SLC16A3: variants seen among roughly 807,000 people sequenced by gnomAD.
The protein encoded by SLC16A3 is monocarboxylate transporter 4.
Under a neutral mutation model 25.0 loss-of-function variants are expected in SLC16A3, and 22 were observed. That is an observed-to-expected ratio of 0.88 (90% confidence interval 0.63 to 1.26). The LOEUF (loss-of-function observed/expected upper bound fraction) is 1.26. SLC16A3 is among the 50% of genes most tolerant of loss of function. The pLI, the probability that SLC16A3 is intolerant of heterozygous loss-of-function variation, is 0.00. For synonymous variants in SLC16A3, 390 were observed against 309.2 expected (o/e 1.26, Z -2.74); for missense variants, 731 against 666.6 (o/e 1.10, Z -1.06).
At chr17:82,226,199 T>C (rs1175711269), upstream of SLC16A3, among the ~76,000 whole-genome samples, 1 of 151,178 alleles carries the variant, frequency 6.6e-6, no homozygotes, top group African/African-American at 2.4e-5. Context: ...TGGAGGCACC[T>C]GGGTCTGGGG....
chr17:82,219,828 C>T (rs2050378359), intron 1 of SLC16A3, among the ~76,000 whole-genome samples: 1 of 152,158 alleles, frequency 6.6e-6, no homozygotes, highest in South Asian at 2.1e-4. Context: ...TGACTCCTCT[C>T]CTTCCACACT....
At position 82,237,185 on chromosome 17, in the gene SLC16A3, CG is replaced by C; in HGVS notation, c.416del (p.Arg139ProfsTer25). The part of the protein sequence containing the change: ...NFQPSLIMLN[R>X]YFSKRRPMAN... ...CCAGCCCTCGCTCATCATGCTGAAC[CG>C]CTACTTCAGCAAGCGGCGCCCCATG... On this transcript the variant is annotated frameshift_variant, in exon 4 of 5. Transcript: ENST00000582743. LOFTEE classifies it high-confidence loss of function. 2 of 1,527,280 alleles carry C rather than the reference CG, an allele frequency of 1.3e-6. No individual in the cohort carries two copies. The highest frequency in any genetic ancestry group is 2.4e-5 in the East Asian group (1 of 41,868). 94.6% of individuals were successfully genotyped at this position (1,527,280 alleles called of 1,614,324 possible). A position where few individuals can be genotyped will look rare whatever the true frequency, so the allele number is the denominator to read the frequency against.
At chr17:82,225,451 C>T (rs1053146280), upstream of SLC16A3, among the ~76,000 whole-genome samples, 6 of 152,140 alleles carry the variant, frequency 3.9e-5, no homozygotes, top group Non-Finnish European at 8.8e-5. Context: ...CGCCACACGC[C>T]CCGCGTGGGT....
chr17:82,237,961 G>C, intron 4 of SLC16A3, 68 bp downstream of exon 4: 1 of 1,536,906 alleles, frequency 6.5e-7, no homozygotes, highest in Non-Finnish European at 8.7e-7. Context: ...TTTGCGAGGG[G>C]GGGGACGCGC....
At chr17:82,229,542 C>G (rs1321726994) in intron 1 of SLC16A3, 1 of 152,352 alleles carries the variant, frequency 6.6e-6, no homozygotes, top group Admixed American at 6.5e-5. Flanking sequence ...GTGGGGAGCA[C>G]TTGCGCTCGG....
In SLC16A3 at chr17:82,239,951, G is replaced by A; in HGVS notation, c.*975G>A. On this transcript the variant is annotated 3_prime_UTR_variant, in exon 5 of 5. Coordinates refer to ENST00000582743, the MANE Select transcript of SLC16A3 (RefSeq NM_004207.4). Reference sequence around the variant, plus strand: ...CCAGCAGTGGCCTGCGTGGCTGGGAGCCCGGTCAGAGGCCGCCGGGGCCCT... The same window carrying A: ...CCAGCAGTGGCCTGCGTGGCTGGGAACCCGGTCAGAGGCCGCCGGGGCCCT... The A allele has an allele frequency of 7.4e-6, 9 of 1,221,848 alleles. No individual in the cohort carries two copies. The highest frequency in any genetic ancestry group is 9.2e-6 in the Non-Finnish European group (9 of 977,118). The allele number at this position is 1,221,848 out of a possible 1,614,324, so 75.7% of individuals were successfully genotyped here.
At chr17:82,230,993 C>T (rs1447884356) in intron 1 of SLC16A3, 1 of 152,256 alleles carries the variant, frequency 6.6e-6, no homozygotes, top group African/African-American at 2.4e-5. Context: ...CCTGTGGCTT[C>T]GAGGCCCCGA....
chr17:82,223,082 A>C (rs1052262588), intron 1 of SLC16A3, among the ~76,000 whole-genome samples: 1 of 152,162 alleles, frequency 6.6e-6, no homozygotes, highest in Non-Finnish European at 1.5e-5. Flanking sequence ...TTGAAACTAG[A>C]CAGCTGGTGG....
At chr17:82,229,746 A>T (rs1291072042) in intron 1 of SLC16A3, 1 of 152,260 alleles carries the variant, frequency 6.6e-6, no homozygotes. Flanking sequence ...AGCCTTTGGT[A>T]GCCTCCCACT....
chr17:82,222,526 G>A (rs538291991), intron 1 of SLC16A3, among the ~76,000 whole-genome samples: 127 of 152,324 alleles, frequency 8.3e-4, no homozygotes, highest in Non-Finnish European at 1.4e-3. Flanking sequence ...TGAAGAGGCC[G>A]GGTGTGGTGG....
At position 82,240,004 on chromosome 17, in the gene SLC16A3, C is replaced by T. The variant is rs543072663; in HGVS notation, c.*1028C>T. On this transcript the variant is annotated 3_prime_UTR_variant, in exon 5 of 5. Transcript: ENST00000582743. ...GTAGGTGCGTCGTGGGCGCTGGGGACGGCAGCGGGTGCCCTGGCGGGCCGC... is the reference window on the plus strand; with the variant it reads ...GTAGGTGCGTCGTGGGCGCTGGGGATGGCAGCGGGTGCCCTGGCGGGCCGC... 8.6e-5 allele frequency: 106 copies of T among 1,233,770 alleles called. No homozygotes were observed. Among genetic ancestry groups the T allele is most frequent in the East Asian group, 4.1e-4 (13 of 31,692 alleles). 76.4% of individuals were successfully genotyped at this position (1,233,770 alleles called of 1,614,324 possible). A position where few individuals can be genotyped will look rare whatever the true frequency, so the allele number is the denominator to read the frequency against.
intron 1 of SLC16A3, chr17:82,229,578 A>G (rs1015685976): frequency 6.6e-6 from 1 of 152,212 alleles, no homozygotes; most frequent in African/African-American, 2.4e-5. Flanking sequence ...CCTGTTCGCA[A>G]CACCCTGAAC....
intron 3 of SLC16A3, 54 bp downstream of exon 3, chr17:82,236,926 A>C: frequency 6.3e-7 from 1 of 1,588,210 alleles, no homozygotes; most frequent in Non-Finnish European, 8.5e-7. Flanking sequence ...GGGGCCGTGC[A>C]CTTCTGCTCC....
intron 2 of SLC16A3, 22 bp downstream of exon 2, chr17:82,236,253 G>T (rs575028404): frequency 1.2e-6 from 2 of 1,602,792 alleles, no homozygotes; most frequent in Non-Finnish European, 1.7e-6. Flanking sequence ...CTCACACCGG[G>T]CCCCCTGTCC....
chr17:82,232,816 T>C (rs1158366448), intron 1 of SLC16A3, among the ~76,000 whole-genome samples: 1 of 143,712 alleles, frequency 7.0e-6, no homozygotes. Flanking sequence ...GTAGAGCCTT[T>C]GGGGGACCTG....
upstream of SLC16A3, chr17:82,228,890 G>C (rs1377889602): frequency 1.3e-5 from 2 of 150,552 alleles, no homozygotes; most frequent in Non-Finnish European, 3.0e-5. Flanking sequence ...TGCGGGACGC[G>C]CCGTCGGGGA....
chr17:82,235,385 G>A (rs1432800790), intron 1 of SLC16A3: 1 of 156,716 alleles, frequency 6.4e-6, no homozygotes, highest in Non-Finnish European at 1.4e-5. Context: ...CTCCAGCCTG[G>A]GGCCCAGCCC....
intron 1 of SLC16A3, chr17:82,229,890 T>TGG (rs2050466299): frequency 6.6e-6 from 1 of 152,046 alleles, no homozygotes; most frequent in Non-Finnish European, 1.5e-5. Flanking sequence ...CCTCCAGGGG[T>TGG]GGCTGGAGTC....
At chr17:82,222,779 G>C (rs966965997) in intron 1 of SLC16A3, among the ~76,000 whole-genome samples, 1 of 150,794 alleles carries the variant, frequency 6.6e-6, no homozygotes, top group Non-Finnish European at 1.5e-5. Context: ...CTCCAGCCTG[G>C]GGGACAAGAG....
Sources: gnomAD v4.1 joint callset for allele counts (sites outside exome capture counted in the v4.1 genomes callset) on GRCh38, gnomAD v4.1.1 for gene constraint, MANE v1.5 for transcripts, NCBI Gene and HGNC (gene_info 2026-07-23, HGNC 2026-07-21) for gene names.